Variants in PDS5B observed in about 807,000 individuals in gnomAD.
The protein encoded by PDS5B is sister chromatid cohesion protein PDS5 homolog B.
A neutral mutation model predicts 184.1 loss-of-function variants in PDS5B; 51 were observed. The observed-to-expected ratio is 0.28, with a 90% confidence interval of 0.22 to 0.35. PDS5B has a LOEUF of 0.35. PDS5B is among the 10% of genes least tolerant of loss of function. PDS5B has a pLI of 1.00. For missense variants in PDS5B, 1,180 were observed against 1,723.3 expected (o/e 0.68, Z 5.58); for synonymous variants, 566 against 569.2 (o/e 0.99, Z 0.08).
intron 10 of PDS5B, among the ~76,000 whole-genome samples, chr13:32,681,439 A>T (rs1414475254): frequency 6.6e-6 from 1 of 152,124 alleles, no homozygotes; most frequent in Non-Finnish European, 1.5e-5. Flanking sequence ...CCCAGCCAAC[A>T]TGGTGAAACC....
intron 1 of PDS5B, among the ~76,000 whole-genome samples, chr13:32,606,969 CTT>C (rs896490282): frequency 3.3e-4 from 50 of 152,156 alleles, no homozygotes; most frequent in Admixed American, 3.1e-3. Context: ...TTCGTCTAAT[CTT>C]TTTTCAAGGT....
chr13:32,694,174 G>A (rs777821992), intron 13 of PDS5B, 49 bp from the exon 14 acceptor site: 1 of 1,271,566 alleles, frequency 7.9e-7, no homozygotes, highest in South Asian at 1.3e-5. Context: ...ATTCTAGAAA[G>A]ATTTTTATTC....
At chr13:32,695,072 C>T (rs1463183184) in intron 14 of PDS5B, among the ~76,000 whole-genome samples, 1 of 151,668 alleles carries the variant, frequency 6.6e-6, no homozygotes, top group Non-Finnish European at 1.5e-5. Context: ...AAACTTTCAC[C>T]TTTTCCCTAG....
chr13:32,599,175 A>G (rs922409235), intron 1 of PDS5B, among the ~76,000 whole-genome samples: 1 of 152,180 alleles, frequency 6.6e-6, no homozygotes, highest in African/African-American at 2.4e-5. Context: ...ATTGTCATAT[A>G]AATATAACAT....
intron 1 of PDS5B, among the ~76,000 whole-genome samples, chr13:32,601,721 A>G (rs948641168): frequency 6.6e-6 from 1 of 152,248 alleles, no homozygotes; most frequent in Admixed American, 6.5e-5. Flanking sequence ...ATGGTTAGGT[A>G]GGACCAGCTC....
chr13:32,762,472 T>C (rs1356939184), intron 30 of PDS5B, among the ~76,000 whole-genome samples: 1 of 152,206 alleles, frequency 6.6e-6, no homozygotes, highest in Non-Finnish European at 1.5e-5. Flanking sequence ...TATTAATGCA[T>C]GTTAGTGGCT....
chr13:32,699,709 T>C, intron 15 of PDS5B, 21 bp from the exon 16 acceptor site: 1 of 1,381,704 alleles, frequency 7.2e-7, no homozygotes, highest in Non-Finnish European at 9.6e-7. Context: ...TGATTTTAAT[T>C]GAACTTTAAT....
intron 18 of PDS5B, among the ~76,000 whole-genome samples, chr13:32,708,693 A>G (rs761117618): frequency 1.2e-4 from 19 of 152,214 alleles, no homozygotes; most frequent in Non-Finnish European, 2.5e-4. Context: ...TGCATATTTA[A>G]TACTAGTGAG....
chr13:32,764,663 C>T, intron 31 of PDS5B, 69 bp downstream of exon 31: 1 of 782,230 alleles, frequency 1.3e-6, no homozygotes, highest in East Asian at 3.0e-5. Context: ...TACACTGAAA[C>T]CAGTTAACAT....
chr13:32,631,052 C>G (rs1426293335), intron 1 of PDS5B, among the ~76,000 whole-genome samples: 1 of 151,888 alleles, frequency 6.6e-6, no homozygotes, highest in Non-Finnish European at 1.5e-5. Flanking sequence ...CTTGGCCTTC[C>G]AAAGTGTTGG....
At chr13:32,726,711 T>A (rs1952913245) in intron 19 of PDS5B, among the ~76,000 whole-genome samples, 1 of 152,220 alleles carries the variant, frequency 6.6e-6, no homozygotes, top group Non-Finnish European at 1.5e-5. Context: ...GTAAGGCATA[T>A]ATTTTTCCTT....
chr13:32,755,660 A>G (rs942210252), intron 25 of PDS5B, among the ~76,000 whole-genome samples, 182 bp from the exon 26 acceptor site: 23 of 152,156 alleles, frequency 1.5e-4, no homozygotes, highest in Admixed American at 1.4e-3. Flanking sequence ...ATGTACCTCA[A>G]CACAGGGTAT....
At chr13:32,719,600 G>A (rs901036521) in intron 19 of PDS5B, among the ~76,000 whole-genome samples, 3 of 152,028 alleles carry the variant, frequency 2.0e-5, no homozygotes, top group Admixed American at 1.3e-4. Flanking sequence ...TCTAGGTGTC[G>A]AGGACATTGT....
At chr13:32,670,847 GGT>G (rs764340769) in intron 7 of PDS5B, among the ~76,000 whole-genome samples, 2 of 152,078 alleles carry the variant, frequency 1.3e-5, no homozygotes, top group Non-Finnish European at 2.9e-5. Context: ...GCAATGCTTG[GGT>G]GGTGGTGGAG....
In PDS5B at chr13:32,675,882, A is replaced by G. The variant is rs1951051226; in HGVS notation, c.885A>G (p.Leu295=). The part of the protein sequence containing the change: ...DNEERLQVVK[L]LAKMFGAKDS... ...AGGAGCGCCTACAAGTTGTTAAACT[A>G]CTGGCAAAAATGTTTGGGGCAAAGG... is the stretch of plus-strand genomic sequence containing the variant. Residue 295 remains leucine, a synonymous_variant, in exon 9 of 35, where the codon CTA becomes CTG. Coordinates refer to ENST00000315596, the MANE Select transcript of PDS5B (RefSeq NM_015032.4). The G allele has an allele frequency of 1.9e-6, 3 of 1,613,656 alleles. No individual in the cohort carries two copies. The highest frequency in any genetic ancestry group is 1.7e-6 in the Non-Finnish European group (2 of 1,179,620).
chr13:32,654,268 A>G (rs1439645687), intron 3 of PDS5B, among the ~76,000 whole-genome samples: 3 of 152,138 alleles, frequency 2.0e-5, no homozygotes, highest in Non-Finnish European at 4.4e-5. Flanking sequence ...GTAGTGTTGT[A>G]TACAGATTAG....
rs1428734000 is a variant in PDS5B, at chr13:32,718,275, C to T, written c.2123+8169C>T. 5.9e-5 allele frequency among the ~76,000 whole-genome samples: 9 copies of T among 151,896 alleles called. No homozygotes were observed. In the South Asian group the frequency reaches 6.2e-4, roughly 11 times the overall value. On this transcript the variant is annotated intron_variant, in intron 19 of 34. Coordinates refer to ENST00000315596, the MANE Select transcript of PDS5B (RefSeq NM_015032.4). Reference sequence around the variant, plus strand: ...ACACCATTCTCCTGCCTCAGCCTCCCGAGTAGCTGGGACTACAGGCGCCCG... The same window carrying T: ...ACACCATTCTCCTGCCTCAGCCTCCTGAGTAGCTGGGACTACAGGCGCCCG...
chr13:32,753,263 A>G (rs988790514), intron 24 of PDS5B, 69 bp from the exon 25 acceptor site: 3 of 1,326,396 alleles, frequency 2.3e-6, no homozygotes, highest in Non-Finnish European at 3.2e-6. Context: ...AAAATAGCAA[A>G]TTTTATATCT....
chr13:32,665,694 G>A (rs1950776220), intron 6 of PDS5B, among the ~76,000 whole-genome samples: 1 of 148,270 alleles, frequency 6.7e-6, no homozygotes, highest in African/African-American at 2.5e-5. Flanking sequence ...TATGAGAACA[G>A]ACTGATAAAT....
Sources: gnomAD v4.1 joint callset for allele counts (sites outside exome capture counted in the v4.1 genomes callset) on GRCh38, gnomAD v4.1.1 for gene constraint, MANE v1.5 for transcripts, NCBI Gene and HGNC (gene_info 2026-07-23, HGNC 2026-07-21) for gene names.